The following RBP7 variants were observed in gnomAD, a reference collection of about 807,000 sequenced individuals.
RBP7 encodes retinol binding protein 7, also known as retinoid-binding protein 7.
RBP7 carries 13 observed loss-of-function variants against 16.7 expected under a neutral mutation model. The ratio of observed to expected loss-of-function variants is 0.78; its 90% CI spans 0.51 to 1.24. The LOEUF (loss-of-function observed/expected upper bound fraction) is 1.24, where lower values mean the gene tolerates loss of function less well. Ranked by LOEUF, RBP7 falls within the 50% of genes most tolerant of loss-of-function variation. The pLI is 0.00. For missense variants in RBP7, 145 were observed against 159.5 expected, an observed-to-expected ratio of 0.91 and a Z score of 0.49; for synonymous variants, 54 against 56.2, an observed-to-expected ratio of 0.96 and a Z score of 0.17.
At chr1:10,008,422 T>C (rs1373181975) in intron 3 of RBP7, 148 bp downstream of exon 3, 1 of 483,328 alleles carries the variant, frequency 2.1e-6, no homozygotes, top group African/African-American at 2.0e-5. Flanking sequence ...CTGGCCAACA[T>C]GGTGAAACCC....
In RBP7 at chr1:9,997,350, G is replaced by A. The variant is rs1336772130; in HGVS notation, c.73+19G>A. 6.2e-7 allele frequency: 1 copy of A among 1,607,868 alleles called. No homozygotes were observed. The highest frequency in any genetic ancestry group is 8.5e-7 in the Non-Finnish European group (1 of 1,177,580). On this transcript the variant is annotated intron_variant, in intron 1 of 3. Coordinates refer to ENST00000294435, the MANE Select transcript of RBP7 (RefSeq NM_052960.3). The surrounding 1 kb of genome is among the most constrained non-coding windows in gnomAD (Gnocchi z 5.9). ...GCCCTAGGTAAGGCGGAGGGGAGGC[G>A]GCGGCGGCGCGAGGCTCGCCGTGGG...
At chr1:10,005,895 C>G (rs1199420264) in intron 1 of RBP7, among the ~76,000 whole-genome samples, 1 of 152,036 alleles carries the variant, frequency 6.6e-6, no homozygotes, top group African/African-American at 2.4e-5. Context: ...CCTCTCCTTC[C>G]TCCTCCCTCT....
intron 3 of RBP7, among the ~76,000 whole-genome samples, chr1:10,012,306 G>A (rs983702573): frequency 4.6e-5 from 7 of 151,484 alleles, no homozygotes; most frequent in Admixed American, 1.3e-4. Flanking sequence ...GCTTGAACCC[G>A]GGAGGCAGAG....
At chr1:10,005,810 G>A (rs1234564279) in intron 1 of RBP7, among the ~76,000 whole-genome samples, 1 of 152,018 alleles carries the variant, frequency 6.6e-6, no homozygotes, top group Admixed American at 6.6e-5. Context: ...TGATCCACCT[G>A]CCTCTGCCTC....
At chr1:10,007,972 C>G (rs573281592) in intron 2 of RBP7, among the ~76,000 whole-genome samples, 29 of 151,750 alleles carry the variant, frequency 1.9e-4, no homozygotes, top group Non-Finnish European at 3.7e-4. Context: ...ATCACTTGAA[C>G]CCGGGAGGTG....
At chr1:9,998,313 C>A (rs1026686578) in intron 1 of RBP7, among the ~76,000 whole-genome samples, 1 of 151,772 alleles carries the variant, frequency 6.6e-6, no homozygotes, top group African/African-American at 2.4e-5. Context: ...TTTCTTGTAG[C>A]TTTAGGAATC....
chr1:9,998,597 A>G (rs1453454713), intron 1 of RBP7, among the ~76,000 whole-genome samples: 1 of 149,708 alleles, frequency 6.7e-6, no homozygotes, highest in Non-Finnish European at 1.5e-5. Flanking sequence ...TTTAGTAGAA[A>G]CGGGGTTTCA....
chr1:10,006,866 T>C, intron 1 of RBP7: 1 of 371,874 alleles, frequency 2.7e-6, no homozygotes, highest in Non-Finnish European at 5.2e-6. Context: ...TAATTCAAAG[T>C]GTAAATACAT....
rs28361446 is a variant in RBP7 at position 10,006,410 on chromosome 1, T to C, written c.74-1160T>C. The stretch of plus-strand genomic sequence containing the variant: ...CTGTAGTCCCAGCTATTCGAGAGGC[T>C]GAGATAGGAGAATCACTTGAGCCTG... On this transcript the variant is annotated intron_variant, in intron 1 of 3. Coordinates refer to ENST00000294435, the MANE Select transcript of RBP7 (RefSeq NM_052960.3). 3.9e-5 allele frequency among the ~76,000 whole-genome samples: 6 copies of C among 152,118 alleles called. No individual in the cohort carries two copies. In the South Asian group the frequency reaches 1.2e-3, roughly 32 times the overall value.
At chr1:9,998,347 T>A (rs1012000562) in intron 1 of RBP7, among the ~76,000 whole-genome samples, 1 of 151,896 alleles carries the variant, frequency 6.6e-6, no homozygotes, top group Non-Finnish European at 1.5e-5. Context: ...TGCCGGCCAA[T>A]CCCTGAACCC....
At position 10,015,943 on chromosome 1, in the gene RBP7, G is replaced by C; in HGVS notation, c.*111G>C. On this transcript the variant is annotated 3_prime_UTR_variant, in exon 4 of 4. Transcript: ENST00000294435. The stretch of plus-strand genomic sequence containing the variant: ...TTGGCGACGAGGACTCGTGGCTGGA[G>C]AGAGCCACACAGCGTGTAACCTGAA... 1 of 954,032 alleles carries C rather than the reference G, an allele frequency of 1.0e-6. No homozygotes were observed. The highest frequency in any genetic ancestry group is 1.7e-6 in the Non-Finnish European group (1 of 600,928). The allele number at this position is 954,032 out of a possible 1,614,324, so 59.1% of individuals were successfully genotyped here. A position where few individuals can be genotyped will look rare whatever the true frequency, so the allele number is the denominator to read the frequency against.
At chr1:10,006,171 T>C (rs1642436849) in intron 1 of RBP7, among the ~76,000 whole-genome samples, 1 of 152,168 alleles carries the variant, frequency 6.6e-6, no homozygotes, top group Non-Finnish European at 1.5e-5. Context: ...TTCATCTTCT[T>C]AGCATTCCAT....
intron 1 of RBP7, among the ~76,000 whole-genome samples, chr1:10,000,539 A>C (rs1642249432): frequency 6.6e-6 from 1 of 151,850 alleles, no homozygotes; most frequent in Admixed American, 6.6e-5. Flanking sequence ...GTCTCAAAAA[A>C]AATAAGTCAA....
intron 2 of RBP7, 57 bp from the exon 3 acceptor site, chr1:10,008,116 C>T (rs544395129): frequency 1.9e-5 from 22 of 1,166,924 alleles, no homozygotes; most frequent in East Asian, 1.4e-4. Flanking sequence ...CATTCTACTT[C>T]GTAACACTTG....
intron 1 of RBP7, among the ~76,000 whole-genome samples, chr1:9,999,356 G>A (rs1466906365): frequency 6.6e-6 from 1 of 152,056 alleles, no homozygotes; most frequent in Non-Finnish European, 1.5e-5. Flanking sequence ...AGACCAGCCT[G>A]GCCAACATGG....
At chr1:10,014,993 T>C (rs1181484453) in intron 3 of RBP7, among the ~76,000 whole-genome samples, 1 of 152,162 alleles carries the variant, frequency 6.6e-6, no homozygotes, top group Non-Finnish European at 1.5e-5. Context: ...GAAGTGGGAC[T>C]GGAAAAGACA....
chr1:10,002,026 C>T (rs753559538), intron 1 of RBP7, among the ~76,000 whole-genome samples: 6 of 151,962 alleles, frequency 3.9e-5, no homozygotes, highest in Non-Finnish European at 7.4e-5. Context: ...CAGGGTTTCA[C>T]CACGTTGGCC....
chr1:10,009,278 C>G (rs1163421550), intron 3 of RBP7, among the ~76,000 whole-genome samples: 1 of 152,008 alleles, frequency 6.6e-6, no homozygotes, highest in Admixed American at 6.6e-5. Flanking sequence ...GGCATGGTGG[C>G]ACATGTCTGT....
At chr1:10,009,728 T>C (rs1642564138) in intron 3 of RBP7, among the ~76,000 whole-genome samples, 1 of 149,806 alleles carries the variant, frequency 6.7e-6, no homozygotes, top group Non-Finnish European at 1.5e-5. Context: ...AACGGGATTT[T>C]ACCATATTGG....
Sources: gnomAD v4.1 joint callset for allele counts (sites outside exome capture counted in the v4.1 genomes callset) on GRCh38, gnomAD v4.1.1 for gene constraint, Gnocchi (gnomAD v3.1) non-coding constraint, MANE v1.5 for transcripts, NCBI Gene and HGNC (gene_info 2026-07-23, HGNC 2026-07-21) for gene names.